Variants in IPCEF1 observed in about 807,000 individuals in gnomAD.
IPCEF1 encodes interactor protein for cytohesin exchange factors 1.
IPCEF1 carries 31 observed loss-of-function variants against 50.9 expected under a neutral mutation model. The ratio of observed to expected loss-of-function variants is 0.61; its 90% CI spans 0.46 to 0.82. IPCEF1 has a LOEUF of 0.82. Among genes scored for constraint, IPCEF1 ranks in the 40% least tolerant of loss-of-function variants. The pLI is 0.00. For synonymous variants in IPCEF1, 181 were observed against 192.0 expected, an observed-to-expected ratio of 0.94 and a Z score of 0.47; for missense variants, 458 against 514.0, an observed-to-expected ratio of 0.89 and a Z score of 1.05.
chr6:154,323,831 T>A (rs1027612705), intron 1 of IPCEF1, among the ~76,000 whole-genome samples: 1 of 152,166 alleles, frequency 6.6e-6, no homozygotes, highest in African/African-American at 2.4e-5. Flanking sequence ...CAGACGCCTG[T>A]AATCCCAACT....
chr6:154,246,283 T>G (rs1441015701), intron 5 of IPCEF1, among the ~76,000 whole-genome samples: 2 of 152,158 alleles, frequency 1.3e-5, no homozygotes, highest in African/African-American at 2.4e-5. Context: ...CCTGAAACTA[T>G]TAGAATCCCT....
Position 154,155,489 on chromosome 6 carries a change from G to A in IPCEF1, c.*4339C>T, listed in dbSNP as rs1455212970. The stretch of plus-strand genomic sequence containing the variant: ...TAACATTACTCATTAAATCATGTAT[G>A]TGGCTATATCAAAATACTGTCTTTC... On this transcript the variant is annotated 3_prime_UTR_variant, in exon 12 of 12. Coordinates refer to ENST00000367220, the MANE Select transcript of IPCEF1 (RefSeq NM_001130700.2). 1 of 152,156 alleles carries A rather than the reference G, an allele frequency of 6.6e-6. No individual in the cohort carries two copies. The highest frequency in any genetic ancestry group is 1.5e-5 in the Non-Finnish European group (1 of 68,034). The allele number at this position is 152,156 out of a possible 1,614,324, so 9.4% of individuals were successfully genotyped here.
At chr6:154,181,693 A>T (rs1374021188) in intron 10 of IPCEF1, among the ~76,000 whole-genome samples, 14 of 152,180 alleles carry the variant, frequency 9.2e-5, no homozygotes, top group Non-Finnish European at 7.3e-5. Flanking sequence ...TGAGGTTCCC[A>T]GGTTTTGTAC....
intron 3 of IPCEF1, among the ~76,000 whole-genome samples, chr6:154,260,847 C>T (rs577747600): frequency 6.6e-6 from 1 of 152,202 alleles, no homozygotes; most frequent in African/African-American, 2.4e-5. Context: ...TAATGAGAAA[C>T]TGATCATAAA....
chr6:154,201,319 C>T (rs1476955909), intron 9 of IPCEF1, among the ~76,000 whole-genome samples: 1 of 152,082 alleles, frequency 6.6e-6, no homozygotes, highest in Admixed American at 6.6e-5. Flanking sequence ...AAATACATGC[C>T]TTCTTTTTAA....
intron 1 of IPCEF1, among the ~76,000 whole-genome samples, chr6:154,321,970 C>G (rs994356222): frequency 9.9e-5 from 15 of 151,624 alleles, no homozygotes; most frequent in African/African-American, 3.6e-4. Context: ...AAGCTGTTAC[C>G]AAAATATTTG....
intron 10 of IPCEF1, among the ~76,000 whole-genome samples, chr6:154,174,743 G>A (rs1800166059): frequency 6.6e-6 from 1 of 152,114 alleles, no homozygotes; most frequent in Non-Finnish European, 1.5e-5. Flanking sequence ...ACACCCCACT[G>A]TCAATATTAG....
intron 2 of IPCEF1, among the ~76,000 whole-genome samples, chr6:154,286,356 T>C (rs2128666706): frequency 6.6e-6 from 1 of 152,236 alleles, no homozygotes; most frequent in African/African-American, 2.4e-5. Flanking sequence ...GAACTTAAAG[T>C]AAAATAAAAA....
In IPCEF1 at chr6:154,188,045, GAT is replaced by G. The variant is rs568712863; in HGVS notation, c.910+11621_910+11622del. Among the ~76,000 whole-genome samples the G allele has an allele frequency of 3.3e-5, 5 of 152,200 alleles. No individual in the cohort carries two copies. In the South Asian group the frequency reaches 1.0e-3, roughly 32 times the overall value. Reference sequence around the variant, plus strand: ...CCCAAAACAAGAAAAATAAGTAGCAGATATAGTGTTTGGAAAGGAAAAAAGCA... The same window carrying G: ...CCCAAAACAAGAAAAATAAGTAGCAGATAGTGTTTGGAAAGGAAAAAAGCA... On this transcript the variant is annotated intron_variant, in intron 10 of 11. Coordinates refer to ENST00000367220, the MANE Select transcript of IPCEF1 (RefSeq NM_001130700.2).
At chr6:154,281,059 G>T (rs899815482) in intron 2 of IPCEF1, among the ~76,000 whole-genome samples, 1 of 151,774 alleles carries the variant, frequency 6.6e-6, no homozygotes, top group Non-Finnish European at 1.5e-5. Context: ...AAAAATTAAG[G>T]CCAGTCGCAG....
intron 2 of IPCEF1, 79 bp from the exon 3 acceptor site, chr6:154,266,043 G>T (rs1781745533): frequency 2.5e-6 from 2 of 784,902 alleles, no homozygotes; most frequent in African/African-American, 1.8e-5. Context: ...AGTGGGGAAA[G>T]AAAATACTTC....
intron 4 of IPCEF1, chr6:154,247,162 G>A (rs1781122304): frequency 6.8e-6 from 3 of 441,330 alleles, no homozygotes; most frequent in Non-Finnish European, 4.1e-6. Context: ...CCGTAGTTAT[G>A]CAATAGATGT....
At chr6:154,258,244 T>C (rs543539482) in intron 3 of IPCEF1, among the ~76,000 whole-genome samples, 1 of 152,330 alleles carries the variant, frequency 6.6e-6, no homozygotes, top group East Asian at 1.9e-4. Context: ...ATGTTATCTC[T>C]GAAGATCTTC....
intron 10 of IPCEF1, among the ~76,000 whole-genome samples, chr6:154,184,568 T>C (rs533274798): frequency 6.6e-6 from 1 of 152,172 alleles, no homozygotes; most frequent in Admixed American, 6.5e-5. Flanking sequence ...CATTGGTACA[T>C]AGAAAAAATA....
intron 5 of IPCEF1, among the ~76,000 whole-genome samples, chr6:154,228,853 C>T (rs1222952107): frequency 6.6e-6 from 1 of 152,208 alleles, no homozygotes; most frequent in African/African-American, 2.4e-5. Context: ...GTGCCACTTG[C>T]ACTCCAGCCT....
chr6:154,288,269 T>C (rs753326742), intron 2 of IPCEF1, among the ~76,000 whole-genome samples: 1 of 152,232 alleles, frequency 6.6e-6, no homozygotes, highest in Non-Finnish European at 1.5e-5. Flanking sequence ...GTCTGGGTCA[T>C]AGAAAATAAT....
chr6:154,336,312 G>A (rs1345121276), intron 1 of IPCEF1, among the ~76,000 whole-genome samples: 1 of 152,172 alleles, frequency 6.6e-6, no homozygotes, highest in African/African-American at 2.4e-5. Flanking sequence ...TGTGGTATAT[G>A]TACACAATGG....
At chr6:154,321,641 G>A (rs1399391717) in intron 1 of IPCEF1, among the ~76,000 whole-genome samples, 1 of 151,888 alleles carries the variant, frequency 6.6e-6, no homozygotes, top group East Asian at 1.9e-4. Flanking sequence ...TTAGCCGGGT[G>A]TGGTGGCACG....
intron 9 of IPCEF1, among the ~76,000 whole-genome samples, chr6:154,200,995 C>T (rs750313811): frequency 6.6e-6 from 1 of 152,132 alleles, no homozygotes; most frequent in Non-Finnish European, 1.5e-5. Flanking sequence ...ATGCTGTTCT[C>T]ATGATAGTGA....
Sources: gnomAD v4.1 joint callset for allele counts (sites outside exome capture counted in the v4.1 genomes callset) on GRCh38, gnomAD v4.1.1 for gene constraint, MANE v1.5 for transcripts, NCBI Gene and HGNC (gene_info 2026-07-23, HGNC 2026-07-21) for gene names.